MAP3K19: variants seen among roughly 807,000 people sequenced by gnomAD.
The protein encoded by MAP3K19 is mitogen-activated protein kinase kinase kinase 19, also known as SPS1/STE20-related protein kinase YSK4.
Under a neutral mutation model 114.4 loss-of-function variants are expected in MAP3K19, and 91 were observed. The observed-to-expected ratio is 0.80, with a 90% CI of 0.67 to 0.95. The LOEUF is 0.95. MAP3K19 is among the 40% of genes least tolerant of loss of function. The pLI, the probability that MAP3K19 is intolerant of heterozygous loss-of-function variation, is 0.00. For missense variants in MAP3K19, 1,471 were observed against 1,573.2 expected (o/e 0.94, Z 1.10); for synonymous variants, 518 against 530.5 (o/e 0.98, Z 0.32).
At chr2:134,966,417 G>T (rs1278499468) in intron 12 of MAP3K19, among the ~76,000 whole-genome samples, 3 of 151,672 alleles carry the variant, frequency 2.0e-5, no homozygotes, top group East Asian at 3.9e-4. Context: ...TATTTTTGTG[G>T]GTTTTTTTTA....
At chr2:135,022,585 G>A (rs1210335982) in intron 4 of MAP3K19, among the ~76,000 whole-genome samples, 1 of 152,166 alleles carries the variant, frequency 6.6e-6, no homozygotes. Context: ...AGCCCCTGAA[G>A]TTATTTCTTG....
chr2:134,982,328 C>T (rs1396145812), intron 11 of MAP3K19, among the ~76,000 whole-genome samples: 1 of 149,080 alleles, frequency 6.7e-6, no homozygotes, highest in Non-Finnish European at 1.5e-5. Flanking sequence ...TCTATGTTGC[C>T]CAGGCTGCCT....
In MAP3K19 at chr2:134,966,426, T is replaced by A. The variant is rs117296254; in HGVS notation, c.3921-1510A>T. Among the ~76,000 whole-genome samples, 3,364 of 152,292 alleles carry A rather than the reference T, an allele frequency of 0.022. 229 individuals are homozygous for A. In the East Asian group the frequency reaches 0.28, roughly 13 times the overall value. ...ATCTGTTATTTTTGTGGGTTTTTTT[T>A]AATATTTATAAGTGATATATTTTCC... is the stretch of plus-strand genomic sequence containing the variant. On this transcript the variant is annotated intron_variant, in intron 12 of 12. Coordinates refer to ENST00000392915, the MANE Select transcript of MAP3K19 (RefSeq NM_025052.5).
intron 12 of MAP3K19, among the ~76,000 whole-genome samples, chr2:134,980,166 A>C (rs1573930462): frequency 6.6e-6 from 1 of 152,276 alleles, no homozygotes; most frequent in East Asian, 1.9e-4. Flanking sequence ...TCCCCGCCCC[A>C]TGGATACACA....
intron 5 of MAP3K19, among the ~76,000 whole-genome samples, chr2:135,019,097 A>G (rs1687798374): frequency 6.6e-6 from 1 of 152,122 alleles, no homozygotes; most frequent in Non-Finnish European, 1.5e-5. Flanking sequence ...AAGAAAAAAA[A>G]AAGCTCTAAT....
At chr2:135,029,287 A>G (rs933427675) in intron 3 of MAP3K19, among the ~76,000 whole-genome samples, 3 of 152,128 alleles carry the variant, frequency 2.0e-5, no homozygotes, top group African/African-American at 7.2e-5. Flanking sequence ...GAGGTGGGAG[A>G]ATGGCGTGAA....
At chr2:134,988,393 T>C in intron 9 of MAP3K19, 140 bp from the exon 10 acceptor site, 1 of 724,456 alleles carries the variant, frequency 1.4e-6, no homozygotes, top group Non-Finnish European at 2.0e-6. Flanking sequence ...AAATCACAAT[T>C]CTTTTTTTTC....
At chr2:134,979,017 A>G (rs2105185956) in intron 12 of MAP3K19, among the ~76,000 whole-genome samples, 1 of 152,196 alleles carries the variant, frequency 6.6e-6, no homozygotes, top group Non-Finnish European at 1.5e-5. Flanking sequence ...CCCCAAGTTC[A>G]TTTCTGTTTT....
chr2:134,995,895 CATG>C (rs1685948638), intron 8 of MAP3K19, among the ~76,000 whole-genome samples: 1 of 151,832 alleles, frequency 6.6e-6, no homozygotes. Context: ...CCATTCTAAA[CATG>C]ATATTTAGCA....
rs755967187 is a variant in MAP3K19 at position 135,014,388 on chromosome 2, G to C, written c.138+7327C>G. Among the ~76,000 whole-genome samples, 9 of 151,892 alleles carry C rather than the reference G, an allele frequency of 5.9e-5. No homozygotes were observed. The South Asian group carries it at 1.2e-3, about 21-fold the overall frequency. ...AAAAAGAAGAAAAGAAAAAAAAAAG[G>C]CATGTTGTCCAGGCTCGTCTCAAAC... On this transcript the variant is annotated intron_variant, in intron 5 of 12. Coordinates refer to ENST00000392915, the MANE Select transcript of MAP3K19 (RefSeq NM_025052.5).
rs752311333 is a variant in MAP3K19 at position 134,986,970 on chromosome 2, C to T, written c.1902G>A (p.Pro634=). 30 of 1,613,412 alleles carry T rather than the reference C, an allele frequency of 1.9e-5. No homozygotes were observed. The highest frequency in any genetic ancestry group is 1.6e-4 in the African/African-American group (12 of 74,840). The change falls in exon 10 of 13, where the codon CCG becomes CCA. Residue 634 remains proline, a synonymous_variant. Transcript: ENST00000392915. ...QKSCVPLSVQ[P]TEPRLNYLDL... is the part of the protein sequence containing the mutation. ...CTAGGTAATTTAGTCTTGGCTCTGTCGGTTGAACAGAGAGAGGAACACATG... is the reference window on the plus strand; with the variant it reads ...CTAGGTAATTTAGTCTTGGCTCTGTTGGTTGAACAGAGAGAGGAACACATG...
intron 11 of MAP3K19, chr2:134,983,215 C>G (rs758521261): frequency 7.5e-6 from 4 of 533,614 alleles, no homozygotes; most frequent in Non-Finnish European, 1.5e-5. Flanking sequence ...ATCTCTTATG[C>G]AGTTCACAAA....
At chr2:135,046,684 G>A (rs967257946) in intron 1 of MAP3K19, among the ~76,000 whole-genome samples, 3 of 152,168 alleles carry the variant, frequency 2.0e-5, no homozygotes, top group African/African-American at 7.2e-5. Flanking sequence ...TTAATTGCAT[G>A]CATGGTTTAT....
rs200164509 is a variant in MAP3K19 at position 134,986,824 on chromosome 2, G to A, written c.2048C>T (p.Thr683Met). The A allele has an allele frequency of 8.1e-6, 13 of 1,614,144 alleles. No homozygotes were observed. Among genetic ancestry groups the A allele is most frequent in the East Asian group, 4.5e-5 (2 of 44,882 alleles). Residue 683 changes from threonine to methionine, a missense_variant, in exon 10 of 13, where the codon ACG becomes ATG. Physicochemically the swap from Thr to Met is moderately conservative, Grantham distance 81. Coordinates refer to ENST00000392915, the MANE Select transcript of MAP3K19 (RefSeq NM_025052.5). ...HVRETERDEN[T>M]YYREICSAPS... ...AGCCGAACATATCTCACGGTAATACGTGTTTTCATCCCTTTCAGTCTCTCG... is the reference window on the plus strand; with the variant it reads ...AGCCGAACATATCTCACGGTAATACATGTTTTCATCCCTTTCAGTCTCTCG...
chr2:134,997,368 G>A (rs1293814715), intron 8 of MAP3K19, among the ~76,000 whole-genome samples: 1 of 152,154 alleles, frequency 6.6e-6, no homozygotes, highest in Admixed American at 6.5e-5. Context: ...TGTTTAAGGG[G>A]CACAGAGTTT....
Position 135,024,752 on chromosome 2 carries a change from C to T in MAP3K19, c.-94-11G>A, listed in dbSNP as rs756877326. The stretch of plus-strand genomic sequence containing the variant: ...CAAAGTTTAGGATCTCTAGGAAGAA[C>T]AGAATCAACATTAAAGTTTATTTAG... On this transcript the variant is annotated splice_polypyrimidine_tract_variant and intron_variant, in intron 3 of 12. Coordinates refer to ENST00000392915, the MANE Select transcript of MAP3K19 (RefSeq NM_025052.5). 3 of 932,354 alleles carry T rather than the reference C, an allele frequency of 3.2e-6. No individual in the cohort carries two copies. Among genetic ancestry groups the T allele is most frequent in the Admixed American group, 4.3e-5 (2 of 46,458 alleles). 57.8% of individuals were successfully genotyped at this position (932,354 alleles called of 1,614,324 possible).
chr2:135,013,363 A>G (rs916488507), intron 5 of MAP3K19, among the ~76,000 whole-genome samples: 2 of 151,630 alleles, frequency 1.3e-5, no homozygotes, highest in African/African-American at 4.8e-5. Context: ...GGGATTTCCC[A>G]TATACCCCCT....
intron 2 of MAP3K19, among the ~76,000 whole-genome samples, chr2:135,036,574 G>C (rs1388376914): frequency 6.6e-6 from 1 of 151,712 alleles, no homozygotes; most frequent in African/African-American, 2.4e-5. Context: ...GATAATTTTG[G>C]ACATGTTATG....
chr2:134,967,596 A>T (rs1292213661), intron 12 of MAP3K19, among the ~76,000 whole-genome samples: 27 of 152,230 alleles, frequency 1.8e-4, no homozygotes, highest in Non-Finnish European at 2.8e-4. Context: ...TCTTGCTTAG[A>T]GACACGTCCA....
Sources: gnomAD v4.1 joint callset for allele counts (sites outside exome capture counted in the v4.1 genomes callset) on GRCh38, gnomAD v4.1.1 for gene constraint, MANE v1.5 for transcripts, NCBI Gene and HGNC (gene_info 2026-07-23, HGNC 2026-07-21) for gene names.